The following PDE4D variants were observed in gnomAD, a reference collection of about 807,000 sequenced individuals.
The protein encoded by PDE4D is 3',5'-cyclic-AMP phosphodiesterase 4D.
In PDE4D, 24 loss-of-function variants were observed where a neutral mutation model predicts 87.4. The ratio of observed to expected loss-of-function variants is 0.27; its 90% CI spans 0.20 to 0.39. The LOEUF (loss-of-function observed/expected upper bound fraction) is 0.39. Among genes scored for constraint, PDE4D ranks in the 10% least tolerant of loss-of-function variants. The probability of loss-of-function intolerance (pLI) is 1.00; values close to 1 mark genes in which losing one functional copy is unlikely to be tolerated. For missense variants in PDE4D, 714 were observed against 1,041.0 expected, an observed-to-expected ratio of 0.69 and a Z score of 4.32; for synonymous variants, 384 against 383.2, an observed-to-expected ratio of 1.00 and a Z score of -0.02.
intron 1 of PDE4D, among the ~76,000 whole-genome samples, chr5:59,346,401 T>G (rs1779607555): frequency 6.6e-6 from 1 of 152,162 alleles, no homozygotes; most frequent in African/African-American, 2.4e-5. Flanking sequence ...CCTTTCCATT[T>G]TAACCAACAT....
intron 1 of PDE4D, among the ~76,000 whole-genome samples, chr5:60,261,202 C>G (rs1749615779): frequency 2.0e-5 from 3 of 152,090 alleles, no homozygotes; most frequent in Non-Finnish European, 4.4e-5. Context: ...TGCATTGTTC[C>G]ATACCATTTC....
intron 2 of PDE4D, among the ~76,000 whole-genome samples, chr5:60,038,405 T>C (rs1255221195): frequency 2.6e-5 from 4 of 152,170 alleles, no homozygotes; most frequent in Admixed American, 6.5e-5. Flanking sequence ...TGCTTCTTTT[T>C]CTCAGGTTCG....
At chr5:59,168,067 C>A (rs1205353264) in intron 5 of PDE4D, among the ~76,000 whole-genome samples, 6 of 151,718 alleles carry the variant, frequency 4.0e-5, no homozygotes, top group African/African-American at 1.5e-4. Flanking sequence ...TGAAAAGGAA[C>A]CACAAAAAAA....
intron 1 of PDE4D, among the ~76,000 whole-genome samples, chr5:59,577,667 T>C (rs1823396869): frequency 6.6e-6 from 1 of 152,292 alleles, no homozygotes; most frequent in Admixed American, 6.5e-5. Flanking sequence ...GCAAAAATTC[T>C]ACAAAGCAAG....
chr5:59,446,705 C>T (rs947964477), intron 1 of PDE4D, among the ~76,000 whole-genome samples: 3 of 152,204 alleles, frequency 2.0e-5, no homozygotes, highest in Non-Finnish European at 4.4e-5. Flanking sequence ...ATTACTAGTA[C>T]GGAGCTCCCC....
chr5:59,408,927 A>G (rs1449765381), intron 1 of PDE4D, among the ~76,000 whole-genome samples: 4 of 152,018 alleles, frequency 2.6e-5, no homozygotes, highest in Non-Finnish European at 5.9e-5. Context: ...CAGGTGAATC[A>G]CCTGAGGTCA....
At chr5:59,652,960 C>A (rs1743750966) in intron 1 of PDE4D, among the ~76,000 whole-genome samples, 1 of 152,050 alleles carries the variant, frequency 6.6e-6, no homozygotes, top group African/African-American at 2.4e-5. Context: ...ATAAACTGAA[C>A]TTATCCAACT....
At chr5:60,368,773 C>T (rs993519889) in intron 1 of PDE4D, among the ~76,000 whole-genome samples, 1 of 151,936 alleles carries the variant, frequency 6.6e-6, no homozygotes, top group Non-Finnish European at 1.5e-5. Flanking sequence ...TACCAGCTCC[C>T]CCTTCTCTCT....
intron 5 of PDE4D, among the ~76,000 whole-genome samples, chr5:59,098,024 T>G (rs958942067): frequency 6.6e-6 from 1 of 152,224 alleles, no homozygotes; most frequent in Admixed American, 6.5e-5. Context: ...AGATCAAATG[T>G]ACCTTTAACT....
chr5:59,841,795 G>T (rs1049623691), intron 1 of PDE4D, among the ~76,000 whole-genome samples: 1 of 152,016 alleles, frequency 6.6e-6, no homozygotes, highest in Non-Finnish European at 1.5e-5. Context: ...TAACCAGATT[G>T]GGGGAGGTAA....
intron 3 of PDE4D, among the ~76,000 whole-genome samples, chr5:59,952,010 A>G (rs769129070): frequency 6.6e-6 from 1 of 152,096 alleles, no homozygotes; most frequent in Non-Finnish European, 1.5e-5. Flanking sequence ...TATAATCCCC[A>G]TAACCCCTTC....
intron 2 of PDE4D, among the ~76,000 whole-genome samples, chr5:60,072,982 T>A (rs1202899864): frequency 6.6e-6 from 1 of 152,096 alleles, no homozygotes; most frequent in Non-Finnish European, 1.5e-5. Flanking sequence ...CTTGGCTGTT[T>A]GGTATTGCCT....
intron 3 of PDE4D, among the ~76,000 whole-genome samples, chr5:59,929,295 A>T (rs1755631081): frequency 6.6e-6 from 1 of 152,184 alleles, no homozygotes; most frequent in South Asian, 2.1e-4. Context: ...GTAATTTATG[A>T]TATCAGCTTT....
chr5:60,271,854 G>A (rs1750849009), intron 1 of PDE4D, among the ~76,000 whole-genome samples: 1 of 152,150 alleles, frequency 6.6e-6, no homozygotes, highest in Non-Finnish European at 1.5e-5. Context: ...ACACAGTATT[G>A]AGAATGACAA....
At chr5:60,439,041 C>G (rs1365460768) in intron 1 of PDE4D, among the ~76,000 whole-genome samples, 1 of 152,076 alleles carries the variant, frequency 6.6e-6, no homozygotes, top group Non-Finnish European at 1.5e-5. Flanking sequence ...AAGGAACTGG[C>G]TATGTACATG....
intron 1 of PDE4D, among the ~76,000 whole-genome samples, chr5:59,537,496 A>G (rs904830181): frequency 2.0e-5 from 3 of 152,226 alleles, no homozygotes; most frequent in African/African-American, 7.2e-5. Context: ...GTTGATGACT[A>G]TCCTTGCTCT....
At chr5:59,205,426 G>A (rs1234283986) in intron 2 of PDE4D, among the ~76,000 whole-genome samples, 1 of 152,094 alleles carries the variant, frequency 6.6e-6, no homozygotes, top group Non-Finnish European at 1.5e-5. Flanking sequence ...GCATGGAAAT[G>A]TTCAGTGTAG....
At chr5:59,021,098 C>G (rs539424362) in intron 6 of PDE4D, among the ~76,000 whole-genome samples, 19 of 152,162 alleles carry the variant, frequency 1.2e-4, no homozygotes, top group Admixed American at 3.9e-4. Flanking sequence ...TTTGGAAGAG[C>G]CTTGAAGGTC....
intron 1 of PDE4D, among the ~76,000 whole-genome samples, chr5:59,850,334 CTA>C (rs1199917211): frequency 6.6e-6 from 1 of 151,956 alleles, no homozygotes; most frequent in Non-Finnish European, 1.5e-5. Flanking sequence ...TTTCTTGAGT[CTA>C]TGTTTTTAAT....
Sources: gnomAD v4.1 joint callset for allele counts (sites outside exome capture counted in the v4.1 genomes callset) on GRCh38, gnomAD v4.1.1 for gene constraint, MANE v1.5 for transcripts, NCBI Gene and HGNC (gene_info 2026-07-23, HGNC 2026-07-21) for gene names.